The following DNHD1 variants were observed in gnomAD, a reference collection of about 807,000 sequenced individuals.
The protein encoded by DNHD1 is dynein heavy chain domain-containing protein 1.
A neutral mutation model predicts 458.1 loss-of-function variants in DNHD1; 383 were observed. That is an observed-to-expected ratio of 0.84 (90% CI 0.77 to 0.91). The LOEUF (loss-of-function observed/expected upper bound fraction) is 0.91. Ranked by LOEUF, DNHD1 falls within the 40% of genes least tolerant of loss-of-function variation. DNHD1 has a pLI of 0.00. For missense variants in DNHD1, 5,336 were observed against 5,866.1 expected, an observed-to-expected ratio of 0.91 and a Z score of 2.95; for synonymous variants, 2,203 against 2,376.9, an observed-to-expected ratio of 0.93 and a Z score of 2.13.
In DNHD1 at chr11:6,503,389, A is replaced by G. The variant is rs189334982; in HGVS notation, c.920+463A>G. The G allele has an allele frequency of 7.9e-4, 121 of 152,968 alleles. 2 individuals carry two copies. The highest frequency in any genetic ancestry group is 6.1e-4 in the Non-Finnish European group (42 of 68,534). 9.5% of individuals were successfully genotyped at this position (152,968 alleles called of 1,614,324 possible). A position where few individuals can be genotyped will look rare whatever the true frequency, so the allele number is the denominator to read the frequency against. ...TCTACCTCCTGGCTCTAGTTTATCT[A>G]TGGGGCTATAAAAACAGGTCTCCTC... is the stretch of plus-strand genomic sequence containing the variant. On this transcript the variant is annotated intron_variant, in intron 4 of 42. Coordinates refer to ENST00000254579, the MANE Select transcript of DNHD1 (RefSeq NM_144666.3).
In DNHD1 at chr11:6,571,766, T is replaced by G; in HGVS notation, c.14042T>G (p.Leu4681Arg). 1 of 1,613,834 alleles carries G rather than the reference T, an allele frequency of 6.2e-7. No homozygotes were observed. The highest frequency in any genetic ancestry group is 2.2e-5 in the East Asian group (1 of 44,884). Residue 4681 changes from leucine (L) to arginine (R), a missense_variant, in exon 43 of 43, where the codon CTG becomes CGG. By Grantham distance (102) the Leu-to-Arg change is moderately radical. Around this residue, in one of 4 missense-constraint regions of DNHD1, gnomAD observed 698 missense variants for 664.9 expected, o/e 1.05. Transcript: ENST00000254579. This position sits in a 1 kb window ranked among gnomAD's most constrained non-coding sequence, Gnocchi z 5.0. ...AGTCCTTCCAGCCAACCCAGCCCTC[T>G]GCCTCCCGTCAGCATCAGCACACAG... is the stretch of plus-strand genomic sequence containing the variant. ...QDSPSSQPSP[L>R]PPVSISTQAP...
intron 28 of DNHD1, among the ~76,000 whole-genome samples, chr11:6,560,688 T>C (rs1029029069): frequency 7.9e-5 from 12 of 152,152 alleles, no homozygotes; most frequent in African/African-American, 2.9e-4. Flanking sequence ...TCAGATCCCT[T>C]GGTCGTTCAT....
intron 4 of DNHD1, among the ~76,000 whole-genome samples, chr11:6,507,894 T>C (rs1852260258): frequency 6.6e-6 from 1 of 152,256 alleles, no homozygotes; most frequent in African/African-American, 2.4e-5. Context: ...ACAAGGTTTT[T>C]GTATGACTTG....
chr11:6,520,150 A>G (rs1490798795), intron 9 of DNHD1, 48 bp downstream of exon 9: 2 of 1,613,430 alleles, frequency 1.2e-6, no homozygotes, highest in African/African-American at 1.3e-5. Context: ...CCCAGTTCCT[A>G]TCCTCTGAGT....
intron 16 of DNHD1, among the ~76,000 whole-genome samples, 166 bp from the exon 17 acceptor site, chr11:6,539,050 AGTT>A (rs1853031814): frequency 6.6e-6 from 1 of 151,316 alleles, no homozygotes; most frequent in Admixed American, 6.6e-5. Flanking sequence ...CTGGGCTCTG[AGTT>A]GTGCTCTAGA....
chr11:6,532,810 T>C (rs1852854316), intron 12 of DNHD1, among the ~76,000 whole-genome samples: 1 of 152,178 alleles, frequency 6.6e-6, no homozygotes, highest in Non-Finnish European at 1.5e-5. Flanking sequence ...GTGGGGAAAC[T>C]TTCTGTCTCA....
In DNHD1 at chr11:6,498,177, G is replaced by T. The variant is rs184014783; in HGVS notation, c.-39G>T. 748 of 1,580,886 alleles carry T rather than the reference G, an allele frequency of 4.7e-4. 1 individual carries two copies. The African/African-American group carries it at 8.9e-3, about 19-fold the overall frequency. ...CTGGCAGTTGGAGCCTGAGCTATGG[G>T]CAAGGTCACTTCGACAGCAGTTGAA... On this transcript the variant is annotated 5_prime_UTR_variant, in exon 3 of 43. Transcript: ENST00000254579.
rs1270061042 is a variant in DNHD1, at chr11:6,570,227, G to C, written c.12956-20G>C. On this transcript the variant is annotated intron_variant, in intron 40 of 42. Coordinates refer to ENST00000254579, the MANE Select transcript of DNHD1 (RefSeq NM_144666.3). Reference sequence around the variant, plus strand: ...GAAACTGAAGGTACTGGAACTGAGAGACTCTAACCTCATCTTCAGCTTCAG... The same window carrying C: ...GAAACTGAAGGTACTGGAACTGAGACACTCTAACCTCATCTTCAGCTTCAG... 3.7e-6 allele frequency: 6 copies of C among 1,613,506 alleles called. No individual in the cohort carries two copies. Among genetic ancestry groups the C allele is most frequent in the Non-Finnish European group, 5.1e-6 (6 of 1,179,692 alleles).
chr11:6,538,124 A>G (rs1188822627), intron 14 of DNHD1, among the ~76,000 whole-genome samples: 4 of 152,162 alleles, frequency 2.6e-5, no homozygotes, highest in Admixed American at 2.0e-4. Flanking sequence ...AGTGAATGAG[A>G]TGGAGACTAA....
chr11:6,533,596 A>C (rs979393649), intron 13 of DNHD1, 85 bp from the exon 14 acceptor site: 2 of 1,466,338 alleles, frequency 1.4e-6, no homozygotes, highest in African/African-American at 2.8e-5. Context: ...ACTTCACTCC[A>C]AAAGGTGGGA....
At position 6,546,590 on chromosome 11, in the gene DNHD1, C is replaced by A; in HGVS notation, c.5651C>A (p.Thr1884Lys). The A allele has an allele frequency of 6.4e-7, 1 of 1,551,834 alleles. No homozygotes were observed. Reference sequence around the variant, plus strand: ...CTGCTCAAGCAGATACTGGAAGACACAATACGGACACTAAATGTGACCAAG... The same window carrying A: ...CTGCTCAAGCAGATACTGGAAGACAAAATACGGACACTAAATGTGACCAAG... ...LPLLKQILED[T>K]IRTLNVTKEE... Residue 1884 changes from threonine (T) to lysine (K), a missense_variant, in exon 21 of 43, where the codon ACA (threonine) becomes AAA (lysine). Around this residue, in one of 4 missense-constraint regions of DNHD1, gnomAD observed 3,932 missense variants for 4,365.6 expected, o/e 0.90. Transcript: ENST00000254579.
chr11:6,569,642 G>A (rs546531920), intron 39 of DNHD1, among the ~76,000 whole-genome samples: 32 of 152,288 alleles, frequency 2.1e-4, no homozygotes, highest in African/African-American at 5.8e-4. Flanking sequence ...CAGGACTGGG[G>A]GCAAGCAGAG....
At position 6,557,054 on chromosome 11, in the gene DNHD1, T is replaced by C. The variant is rs548902635; in HGVS notation, c.7759T>C (p.Tyr2587His). The change falls in exon 25 of 43, where the codon TAC becomes CAC. Residue 2587 changes from tyrosine to histidine, a missense_variant. Tyr to His is a moderately conservative substitution (Grantham distance 83). Around this residue, in one of 4 missense-constraint regions of DNHD1, gnomAD observed 3,932 missense variants for 4,365.6 expected, o/e 0.90. Transcript: ENST00000254579. ...CATGCCTTCACCCCTCCACCCACAC[T>C]ACCACTTCTCCCTACACTCTGTGAG... ...CFMPSPLHPH[Y>H]HFSLHSVSHL... The C allele has an allele frequency of 4.5e-6, 7 of 1,551,480 alleles. No individual in the cohort carries two copies. In the South Asian group the frequency reaches 7.1e-5, roughly 16 times the overall value.
intron 14 of DNHD1, among the ~76,000 whole-genome samples, chr11:6,535,039 G>A (rs562444835): frequency 3.3e-5 from 5 of 152,308 alleles, no homozygotes; most frequent in East Asian, 1.9e-4. Context: ...AAGCCACTGC[G>A]CCTGGCCTTC....
intron 19 of DNHD1, 93 bp from the exon 20 acceptor site, chr11:6,544,480 TG>T: frequency 8.8e-7 from 1 of 1,130,534 alleles, no homozygotes; most frequent in Non-Finnish European, 1.3e-6. Flanking sequence ...CTTGGGCTGG[TG>T]GGGTACCTGA....
Position 6,563,993 on chromosome 11 carries a change from G to A in DNHD1, c.10153G>A (p.Val3385Met), listed in dbSNP as rs550904179. 2.2e-5 allele frequency: 34 copies of A among 1,551,742 alleles called. No individual in the cohort carries two copies. The highest frequency in any genetic ancestry group is 1.6e-4 in the African/African-American group (12 of 73,176). Residue 3385 changes from valine to methionine, a missense_variant, in exon 31 of 43, where the codon GTG becomes ATG. Val to Met is a conservative substitution (Grantham distance 21). Transcript: ENST00000254579. ...LEHNLALAKM[V>M]EDAQASHNCV... ...GCATAATTTGGCCCTGGCTAAGATG[G>A]TGGAGGATGCCCAAGCTTCCCACAA...
Position 6,547,525 on chromosome 11 carries a change from C to T in DNHD1, c.6586C>T (p.Gln2196Ter). 1 of 1,551,250 alleles carries T rather than the reference C, an allele frequency of 6.4e-7. No homozygotes were observed. Residue 2196 changes from glutamine (Q) to a stop codon, truncating the protein, a stop_gained, in exon 21 of 43, where the codon CAA (glutamine) becomes TAA (stop). Transcript: ENST00000254579. LOFTEE classifies it high-confidence loss of function. ...VPATLRFLTC[Q>*]GVSSLLQVHG... is the part of the protein sequence containing the mutation. ...TGCAACATTGCGATTCCTCACCTGCCAAGGTGTCAGCTCTCTGCTGCAGGT... is the reference window on the plus strand; with the variant it reads ...TGCAACATTGCGATTCCTCACCTGCTAAGGTGTCAGCTCTCTGCTGCAGGT...
chr11:6,570,281 T>A lies in DNHD1; in HGVS notation c.12990T>A (p.Thr4330=), dbSNP rs754455530. ...TCTACGGGGGTCCTCTGGGGGACAC[T>A]GAGGACAGGGAGGCCCTGATTAGCC... The part of the protein sequence containing the change: ...SVFYGGPLGD[T]EDREALISLT... Residue 4330 remains threonine, a synonymous_variant, in exon 41 of 43, where the codon ACT becomes ACA. Transcript: ENST00000254579. The A allele has an allele frequency of 3.4e-5, 55 of 1,613,620 alleles. No homozygotes were observed. The Middle Eastern group carries it at 4.9e-4, about 14-fold the overall frequency.
intron 18 of DNHD1, 85 bp from the exon 19 acceptor site, chr11:6,544,036 T>C: frequency 1.5e-6 from 2 of 1,364,564 alleles, no homozygotes; most frequent in Non-Finnish European, 2.0e-6. Flanking sequence ...CTGCCTCTCC[T>C]GGAAGGTTCC....
Sources: gnomAD v4.1 joint callset for allele counts (sites outside exome capture counted in the v4.1 genomes callset) on GRCh38, gnomAD v4.1.1 for gene constraint, gnomAD v4.1.1 regional missense constraint, Gnocchi (gnomAD v3.1) non-coding constraint, MANE v1.5 for transcripts, NCBI Gene and HGNC (gene_info 2026-07-23, HGNC 2026-07-21) for gene names.